The following IPO11 variants were observed in gnomAD, a reference collection of about 807,000 sequenced individuals.
IPO11 encodes importin-11.
In IPO11, 66 loss-of-function variants were observed where a neutral mutation model predicts 143.2. The observed-to-expected ratio is 0.46, with a 90% CI of 0.38 to 0.57. The LOEUF (loss-of-function observed/expected upper bound fraction) is 0.57. IPO11 is among the 20% of genes least tolerant of loss of function. The probability of loss-of-function intolerance (pLI) is 0.00; values close to 1 mark genes in which losing one functional copy is unlikely to be tolerated. For missense variants in IPO11, 1,026 were observed against 1,141.0 expected (o/e 0.90, Z 1.45); for synonymous variants, 385 against 377.8 (o/e 1.02, Z -0.22).
intron 26 of IPO11, among the ~76,000 whole-genome samples, chr5:62,553,609 G>GT (rs1394584045): frequency 6.6e-6 from 1 of 151,374 alleles, no homozygotes; most frequent in Non-Finnish European, 1.5e-5. Flanking sequence ...ATTCCCACCA[G>GT]TAGTGCCTGA....
At chr5:62,509,601 T>G (rs2112270913) in intron 19 of IPO11, among the ~76,000 whole-genome samples, 1 of 152,362 alleles carries the variant, frequency 6.6e-6, no homozygotes, top group African/African-American at 2.4e-5. Context: ...ACCCTAAAGC[T>G]TATTCATCTT....
At chr5:62,477,990 T>C (rs1038062573) in intron 9 of IPO11, among the ~76,000 whole-genome samples, 3 of 152,232 alleles carry the variant, frequency 2.0e-5, no homozygotes, top group Admixed American at 6.5e-5. Flanking sequence ...TGAGTCTTCA[T>C]GACATCATCA....
intron 1 of IPO11, among the ~76,000 whole-genome samples, chr5:62,415,580 T>C (rs1743264413): frequency 1.3e-5 from 2 of 151,392 alleles, no homozygotes; most frequent in Non-Finnish European, 2.9e-5. Context: ...GTGATTCTCC[T>C]GCCTCAGCCT....
At chr5:62,491,044 T>A (rs1159363415) in intron 15 of IPO11, among the ~76,000 whole-genome samples, 1 of 152,226 alleles carries the variant, frequency 6.6e-6, no homozygotes, top group Non-Finnish European at 1.5e-5. Flanking sequence ...AGTTTAAAAT[T>A]GGAGAATTTG....
chr5:62,513,510 T>C (rs1741869244), intron 19 of IPO11, among the ~76,000 whole-genome samples: 1 of 127,280 alleles, frequency 7.9e-6, no homozygotes. Context: ...GCCCCTCACC[T>C]CCCGGACGGG....
At chr5:62,490,058 C>A in intron 14 of IPO11, 57 bp from the exon 15 acceptor site, 1 of 937,562 alleles carries the variant, frequency 1.1e-6, no homozygotes, top group Non-Finnish European at 1.6e-6. Flanking sequence ...TTCATACACT[C>A]ATTTGCAGAT....
At chr5:62,627,015 T>C in intron 29 of IPO11, 139 bp from the exon 30 acceptor site, 1 of 601,146 alleles carries the variant, frequency 1.7e-6, no homozygotes. Context: ...ACCATGAGAT[T>C]AGTACAGAAT....
chr5:62,535,270 A>G (rs1022980459), intron 22 of IPO11, among the ~76,000 whole-genome samples: 6 of 151,950 alleles, frequency 3.9e-5, no homozygotes, highest in African/African-American at 7.2e-5. Context: ...ATACTTGGCA[A>G]TGATTTCAAA....
At chr5:62,608,008 G>A (rs1380439317) in intron 29 of IPO11, among the ~76,000 whole-genome samples, 5 of 152,064 alleles carry the variant, frequency 3.3e-5, no homozygotes, top group East Asian at 3.9e-4. Context: ...GGTTAGAGAC[G>A]GGGTTTCACC....
At chr5:62,491,828 G>A (rs1363454946) in intron 15 of IPO11, among the ~76,000 whole-genome samples, 1 of 151,740 alleles carries the variant, frequency 6.6e-6, no homozygotes, top group African/African-American at 2.4e-5. Flanking sequence ...ACCATGCCCG[G>A]CTAATTTTTT....
chr5:62,553,939 C>G (rs1191792644), intron 26 of IPO11, among the ~76,000 whole-genome samples: 2 of 152,018 alleles, frequency 1.3e-5, no homozygotes, highest in Non-Finnish European at 2.9e-5. Flanking sequence ...CCATGTTGGC[C>G]AGACTCATCT....
At chr5:62,545,835 A>G (rs556155362) in intron 24 of IPO11, among the ~76,000 whole-genome samples, 2 of 152,370 alleles carry the variant, frequency 1.3e-5, no homozygotes, top group African/African-American at 4.8e-5. Context: ...CAGCCAACAG[A>G]TACATGAAAA....
chr5:62,428,814 T>G (rs1404464326), intron 1 of IPO11, among the ~76,000 whole-genome samples: 1 of 152,036 alleles, frequency 6.6e-6, no homozygotes, highest in Non-Finnish European at 1.5e-5. Flanking sequence ...TGTGTGCCAC[T>G]ACTCCTGGCT....
At chr5:62,449,653 C>A (rs1304424646) in intron 3 of IPO11, 1 of 230,408 alleles carries the variant, frequency 4.3e-6, no homozygotes, top group Non-Finnish European at 8.3e-6. Flanking sequence ...GAATTTTATG[C>A]TTCCGACTTA....
intron 28 of IPO11, among the ~76,000 whole-genome samples, chr5:62,596,237 C>G (rs1745209918): frequency 7.9e-6 from 1 of 126,686 alleles, no homozygotes; most frequent in South Asian, 2.5e-4. Context: ...CCACTACACT[C>G]CAGCTTGGGT....
At chr5:62,580,454 C>A (rs2112404107) in intron 27 of IPO11, 1 of 1,551,370 alleles carries the variant, frequency 6.4e-7, no homozygotes, top group Non-Finnish European at 8.7e-7. Context: ...AATCTTACAG[C>A]CTTGCATCCA....
At chr5:62,608,919 C>T (rs1177068281) in intron 29 of IPO11, among the ~76,000 whole-genome samples, 1 of 152,200 alleles carries the variant, frequency 6.6e-6, no homozygotes, top group Non-Finnish European at 1.5e-5. Flanking sequence ...CTAGTCATCC[C>T]TCCCTCCCCT....
intron 24 of IPO11, among the ~76,000 whole-genome samples, chr5:62,548,276 G>A (rs764482341): frequency 6.6e-6 from 1 of 152,082 alleles, no homozygotes; most frequent in African/African-American, 2.4e-5. Context: ...TCACTAAACT[G>A]TCTGACAGAT....
rs1313255030 is a variant in IPO11, at chr5:62,476,699, A to G, written c.774A>G (p.Thr258=). 5 of 1,522,358 alleles carry G rather than the reference A, an allele frequency of 3.3e-6. No individual in the cohort carries two copies. Among genetic ancestry groups the G allele is most frequent in the Middle Eastern group, 1.7e-4 (1 of 5,816 alleles). The allele number at this position is 1,522,358 out of a possible 1,614,324, so 94.3% of individuals were successfully genotyped here. A position where few individuals can be genotyped will look rare whatever the true frequency, so the allele number is the denominator to read the frequency against. Residue 258 remains threonine (T), a synonymous_variant, in exon 9 of 30, where the codon ACA becomes ACG. Coordinates refer to ENST00000325324, the MANE Select transcript of IPO11 (RefSeq NM_016338.5). ...TTTTAACAGGTAGAAGTATAGGTAC[A>G]GATAATGTGTGTAGAGATAGACTGG... ...QFLECSRSIG[T]DNVCRDRLEK...
Sources: allele counts gnomAD v4.1 joint callset (sites outside exome capture counted in the v4.1 genomes callset), GRCh38; gene constraint gnomAD v4.1.1; transcripts MANE v1.5; gene names NCBI Gene and HGNC (gene_info 2026-07-23, HGNC 2026-07-21).